The following KCNJ16 variants were observed in gnomAD, a reference collection of about 807,000 sequenced individuals.
The protein encoded by KCNJ16 is potassium inwardly rectifying channel subfamily J member 16.
In KCNJ16, 15 loss-of-function variants were observed where a neutral mutation model predicts 18.5. The ratio of observed to expected loss-of-function variants is 0.81; its 90% CI spans 0.54 to 1.25. KCNJ16 has a LOEUF of 1.25. Among genes scored for constraint, KCNJ16 ranks in the 50% most tolerant of loss-of-function variants. The pLI is 0.00. For synonymous variants in KCNJ16, 174 were observed against 186.5 expected (o/e 0.93, Z 0.55); for missense variants, 523 against 525.7 (o/e 0.99, Z 0.05).
intron 2 of KCNJ16, among the ~76,000 whole-genome samples, chr17:70,109,765 T>G (rs2143981707): frequency 6.6e-6 from 1 of 152,318 alleles, no homozygotes. Context: ...TACATTGCCT[T>G]TGAATCCACA....
chr17:70,131,401 C>T (rs879102838), intron 3 of KCNJ16: 3 of 1,014,732 alleles, frequency 3.0e-6, no homozygotes, highest in Admixed American at 5.2e-5. Flanking sequence ...AGTAGTACTC[C>T]TGTCAGTTCT....
chr17:70,088,434 T>G (rs1158758770), intron 1 of KCNJ16, among the ~76,000 whole-genome samples: 1 of 152,170 alleles, frequency 6.6e-6, no homozygotes, highest in African/African-American at 2.4e-5. Flanking sequence ...CCGCCTGCTG[T>G]GCGGCCCGGT....
Position 70,130,987 on chromosome 17 carries a change from A to T in KCNJ16, c.-94+12A>T, listed in dbSNP as rs1025197614. 4.6e-6 allele frequency: 7 copies of T among 1,535,106 alleles called. No individual in the cohort carries two copies. Among genetic ancestry groups the T allele is most frequent in the Admixed American group, 3.9e-5 (2 of 50,982 alleles). On this transcript the variant is annotated intron_variant, in intron 3 of 3. Coordinates refer to ENST00000392671, the MANE Select transcript of KCNJ16 (RefSeq NM_170741.4). Reference sequence around the variant, plus strand: ...GGATGCTAAAAATGGTAAGAGCTGCATGTTCTGCCTTGATGTTTTCAAGAC... The same window carrying T: ...GGATGCTAAAAATGGTAAGAGCTGCTTGTTCTGCCTTGATGTTTTCAAGAC...
chr17:70,100,267 A>C (rs1311530851), intron 1 of KCNJ16, among the ~76,000 whole-genome samples: 1 of 152,226 alleles, frequency 6.6e-6, no homozygotes, highest in Non-Finnish European at 1.5e-5. Flanking sequence ...GTGGTATTAC[A>C]TATAAGTCAG....
At chr17:70,094,286 T>A (rs2072253548) in intron 1 of KCNJ16, among the ~76,000 whole-genome samples, 1 of 152,230 alleles carries the variant, frequency 6.6e-6, no homozygotes, top group African/African-American at 2.4e-5. Flanking sequence ...AATAACTGTC[T>A]CAACTATTTT....
chr17:70,080,951 C>A (rs1567775546), intron 1 of KCNJ16, among the ~76,000 whole-genome samples: 1 of 152,194 alleles, frequency 6.6e-6, no homozygotes, highest in Non-Finnish European at 1.5e-5. Context: ...CTTAATAGCT[C>A]TCACCAGCCA....
At chr17:70,123,042 T>G (rs117646395) in intron 2 of KCNJ16, among the ~76,000 whole-genome samples, 2,773 of 152,338 alleles carry the variant, frequency 0.018, 37 homozygotes, top group Non-Finnish European at 0.028. Context: ...GATTTTCCAA[T>G]GGACAGCCGG....
At chr17:70,114,782 A>G (rs2073336136) in intron 2 of KCNJ16, among the ~76,000 whole-genome samples, 1 of 152,160 alleles carries the variant, frequency 6.6e-6, no homozygotes, top group African/African-American at 2.4e-5. Context: ...GGGGAAAAAA[A>G]TGCCAGTTAA....
chr17:70,116,747 A>G (rs982165164), intron 2 of KCNJ16, among the ~76,000 whole-genome samples: 4 of 152,192 alleles, frequency 2.6e-5, no homozygotes, highest in Non-Finnish European at 4.4e-5. Flanking sequence ...TCTAAACCAC[A>G]ATGAGATACC....
At chr17:70,122,202 T>C (rs1273895252) in intron 2 of KCNJ16, among the ~76,000 whole-genome samples, 1 of 151,948 alleles carries the variant, frequency 6.6e-6, no homozygotes, top group Non-Finnish European at 1.5e-5. Context: ...AGAAGGAGTC[T>C]TGCTGTGTTA....
intron 2 of KCNJ16, among the ~76,000 whole-genome samples, chr17:70,117,895 G>A (rs1423030626): frequency 2.0e-5 from 3 of 152,030 alleles, no homozygotes; most frequent in African/African-American, 7.3e-5. Flanking sequence ...TTTAGAGCAG[G>A]GTGTGGCAAA....
At chr17:70,100,183 A>C (rs2072561185) in intron 1 of KCNJ16, among the ~76,000 whole-genome samples, 1 of 152,210 alleles carries the variant, frequency 6.6e-6, no homozygotes, top group Non-Finnish European at 1.5e-5. Context: ...GGCTGTACAG[A>C]ACAACTTAAA....
chr17:70,132,448 G>A lies in KCNJ16; in HGVS notation c.361G>A (p.Ala121Thr). 8.7e-6 allele frequency: 14 copies of A among 1,614,042 alleles called. No individual in the cohort carries two copies. The highest frequency in any genetic ancestry group is 1.2e-5 in the Non-Finnish European group (14 of 1,179,992). Residue 121 changes from alanine (A) to threonine (T), a missense_variant, in exon 4 of 4, where the codon GCC becomes ACC. Ala to Thr is a moderately conservative substitution (Grantham distance 58). Transcript: ENST00000392671. The stretch of plus-strand genomic sequence containing the variant: ...TGACAACGTCCATTCTTTCACAGGG[G>A]CCTTTTTGTTCTCCCTAGAGACCCA... ...CVDNVHSFTG[A>T]FLFSLETQTT...
At chr17:70,115,540 G>A (rs2073368125) in intron 2 of KCNJ16, among the ~76,000 whole-genome samples, 1 of 152,006 alleles carries the variant, frequency 6.6e-6, no homozygotes, top group Admixed American at 6.6e-5. Flanking sequence ...TAAGATAAAA[G>A]AAAGATTGTT....
chr17:70,103,046 C>T (rs779527548), intron 2 of KCNJ16, among the ~76,000 whole-genome samples: 1 of 150,102 alleles, frequency 6.7e-6, no homozygotes, highest in African/African-American at 2.4e-5. Context: ...GTGATCCTGC[C>T]ACCTTAGGCA....
intron 1 of KCNJ16, among the ~76,000 whole-genome samples, chr17:70,078,354 TAA>T (rs5821753): frequency 1.3e-5 from 2 of 151,942 alleles, no homozygotes; most frequent in Middle Eastern, 3.4e-3. Context: ...CAACTCCGCA[TAA>T]AAAAAAGGTG....
At chr17:70,095,878 T>C (rs1235274810) in intron 1 of KCNJ16, among the ~76,000 whole-genome samples, 27 of 120,022 alleles carry the variant, frequency 2.2e-4, no homozygotes, top group East Asian at 1.2e-3. Flanking sequence ...TCCTTTTTTT[T>C]TTTTTTTTTT....
intron 2 of KCNJ16, among the ~76,000 whole-genome samples, chr17:70,122,148 A>G (rs1227032317): frequency 1.3e-5 from 2 of 151,946 alleles, no homozygotes; most frequent in East Asian, 3.9e-4. Context: ...AGGGAGAGTC[A>G]TGAGACCATA....
chr17:70,079,649 C>A lies in KCNJ16; in HGVS notation c.-300+4259C>A, dbSNP rs189818130. ...CATAAAATGGATCTGCCTAAAAATACCATCATTTGCATATAGAAGCATCCA... is the reference window on the plus strand; with the variant it reads ...CATAAAATGGATCTGCCTAAAAATAACATCATTTGCATATAGAAGCATCCA... On this transcript the variant is annotated intron_variant, in intron 1 of 3. Coordinates refer to ENST00000392671, the MANE Select transcript of KCNJ16 (RefSeq NM_170741.4). 8.7e-3 allele frequency among the ~76,000 whole-genome samples: 1,325 copies of A among 152,188 alleles called. 6 individuals carry two copies. The highest frequency in any genetic ancestry group is 0.022 in the African/African-American group (897 of 41,542).
Sources: allele counts gnomAD v4.1 joint callset (sites outside exome capture counted in the v4.1 genomes callset), GRCh38; gene constraint gnomAD v4.1.1; transcripts MANE v1.5; gene names NCBI Gene and HGNC (gene_info 2026-07-23, HGNC 2026-07-21).